LUZP2: variants seen among roughly 807,000 people sequenced by gnomAD.
The protein encoded by LUZP2 is leucine zipper protein 2.
Under a neutral mutation model 51.6 loss-of-function variants are expected in LUZP2, and 52 were observed. The observed-to-expected ratio is 1.01, with a 90% CI of 0.81 to 1.27. The LOEUF (loss-of-function observed/expected upper bound fraction) is 1.27, where lower values mean the gene tolerates loss of function less well. LUZP2 is among the 50% of genes most tolerant of loss of function. LUZP2 has a pLI of 0.00. For missense variants in LUZP2, 436 were observed against 395.4 expected (o/e 1.10, Z -0.87); for synonymous variants, 154 against 137.3 (o/e 1.12, Z -0.85).
chr11:24,535,806 T>A (rs1851159481), intron 1 of LUZP2, among the ~76,000 whole-genome samples: 1 of 151,746 alleles, frequency 6.6e-6, no homozygotes, highest in African/African-American at 2.4e-5. Context: ...ATGTTCTTAA[T>A]GGCATCCAGA....
At chr11:24,990,875 C>T (rs572259097) in intron 9 of LUZP2, among the ~76,000 whole-genome samples, 1 of 151,980 alleles carries the variant, frequency 6.6e-6, no homozygotes, top group African/African-American at 2.4e-5. Context: ...CTTCTACCCC[C>T]CTTTCATGGG....
chr11:24,778,759 T>A (rs374195240), intron 5 of LUZP2, among the ~76,000 whole-genome samples: 2 of 152,206 alleles, frequency 1.3e-5, no homozygotes, highest in African/African-American at 4.8e-5. Flanking sequence ...CTGCATCATC[T>A]GGGAAAAGTC....
chr11:24,818,856 T>C (rs147297411), intron 5 of LUZP2, among the ~76,000 whole-genome samples: 1 of 152,092 alleles, frequency 6.6e-6, no homozygotes, highest in Non-Finnish European at 1.5e-5. Flanking sequence ...TTACATAATG[T>C]CCATCTTATC....
At chr11:25,064,371 C>A (rs1260142604) in intron 10 of LUZP2, among the ~76,000 whole-genome samples, 1 of 151,728 alleles carries the variant, frequency 6.6e-6, no homozygotes, top group Non-Finnish European at 1.5e-5. Context: ...ATATAAATTT[C>A]CTGTGTGATT....
intron 1 of LUZP2, among the ~76,000 whole-genome samples, chr11:24,560,376 G>C (rs778145105): frequency 6.6e-6 from 1 of 152,088 alleles, no homozygotes; most frequent in African/African-American, 2.4e-5. Context: ...GATGTGAAGG[G>C]TTAAGCTGGG....
intron 9 of LUZP2, among the ~76,000 whole-genome samples, chr11:25,040,718 G>A (rs1324227272): frequency 2.0e-5 from 3 of 152,138 alleles, no homozygotes. Context: ...TGCTCAATGT[G>A]ATGAGTTGTA....
chr11:24,595,550 T>C (rs1012650106), intron 1 of LUZP2, among the ~76,000 whole-genome samples: 1 of 152,132 alleles, frequency 6.6e-6, no homozygotes, highest in African/African-American at 2.4e-5. Flanking sequence ...CACCTGTCAA[T>C]TTTTTTACAT....
intron 1 of LUZP2, among the ~76,000 whole-genome samples, chr11:24,502,471 G>A (rs931291863): frequency 2.6e-5 from 4 of 152,018 alleles, no homozygotes; most frequent in African/African-American, 9.7e-5. Context: ...TGCAATCTCT[G>A]CCTCCTGGGT....
intron 1 of LUZP2, among the ~76,000 whole-genome samples, chr11:24,658,447 T>A (rs369653429): frequency 6.6e-6 from 1 of 152,158 alleles, no homozygotes; most frequent in Non-Finnish European, 1.5e-5. Flanking sequence ...AAGACTTAAA[T>A]GTTAGACCTA....
At chr11:24,847,703 A>G (rs2716522) in intron 5 of LUZP2, among the ~76,000 whole-genome samples, 23,142 of 152,150 alleles carry the variant, frequency 0.15, 1,930 homozygotes, top group African/African-American at 0.2. Flanking sequence ...GTTGATGAAT[A>G]TTGTCTGATC....
chr11:24,719,466 A>T (rs1416330041), intron 1 of LUZP2, among the ~76,000 whole-genome samples: 1 of 152,232 alleles, frequency 6.6e-6, no homozygotes, highest in Non-Finnish European at 1.5e-5. Context: ...AAATTGACAA[A>T]ATTCAAAATA....
chr11:24,719,557 T>C lies in LUZP2; in HGVS notation c.63-9612T>C, dbSNP rs189251551. 5.1e-4 allele frequency among the ~76,000 whole-genome samples: 77 copies of C among 152,302 alleles called. No homozygotes were observed. In the South Asian group the frequency reaches 9.3e-3, roughly 18 times the overall value. ...ACTGGCCAATCTCTGAGAAATAAAA[T>C]ATAGAGAAGTTAACACAGCATTTGG... On this transcript the variant is annotated intron_variant, in intron 1 of 11. Transcript: ENST00000336930.
Position 24,906,022 on chromosome 11 carries a change from G to T in LUZP2, c.428G>T (p.Gly143Val), listed in dbSNP as rs1183043298. The change falls in exon 6 of 12, where the codon GGA (glycine) becomes GTA (valine). Residue 143 changes from glycine to valine, a missense_variant. Coordinates refer to ENST00000336930, the MANE Select transcript of LUZP2 (RefSeq NM_001009909.4). ...AGCTTGAAAAACAAACTCTTGTCAG[G>T]AAACAAGCTCTGTGGCATTCACGCA... ...NKSLKNKLLS[G>V]NKLCGIHAEE... 5 of 1,612,960 alleles carry T rather than the reference G, an allele frequency of 3.1e-6. No individual in the cohort carries two copies. The Admixed American group carries it at 8.3e-5, about 27-fold the overall frequency.
chr11:24,756,038 A>G (rs1164271627), intron 4 of LUZP2, among the ~76,000 whole-genome samples: 1 of 152,104 alleles, frequency 6.6e-6, no homozygotes, highest in Non-Finnish European at 1.5e-5. Flanking sequence ...GGCTTCATCT[A>G]TATAATAACA....
At chr11:24,623,801 C>T (rs763523101) in intron 1 of LUZP2, among the ~76,000 whole-genome samples, 9 of 152,060 alleles carry the variant, frequency 5.9e-5, no homozygotes, top group Non-Finnish European at 1.3e-4. Flanking sequence ...GAGCTGAGGT[C>T]ACGCCACTGC....
chr11:24,562,832 A>G (rs1852092284), intron 1 of LUZP2, among the ~76,000 whole-genome samples: 1 of 150,334 alleles, frequency 6.7e-6, no homozygotes, highest in Admixed American at 6.7e-5. Context: ...ACTGCACTCC[A>G]GCCTGGGTGA....
intron 10 of LUZP2, among the ~76,000 whole-genome samples, chr11:25,056,493 T>C (rs984846627): frequency 6.6e-6 from 1 of 152,152 alleles, no homozygotes; most frequent in Admixed American, 6.5e-5. Context: ...CTGTTGGTCA[T>C]ACCTGAGACT....
intron 1 of LUZP2, among the ~76,000 whole-genome samples, chr11:24,566,829 ATT>A (rs1160177875): frequency 6.9e-6 from 1 of 145,956 alleles, no homozygotes; most frequent in Non-Finnish European, 1.5e-5. Flanking sequence ...ATATATACAT[ATT>A]TATATATAAG....
rs200673435 is a variant in LUZP2 at position 25,025,044 on chromosome 11, GA to G, written c.766-24991del. On this transcript the variant is annotated intron_variant, in intron 9 of 11. Coordinates refer to ENST00000336930, the MANE Select transcript of LUZP2 (RefSeq NM_001009909.4). ...AAACCTGAGAAAAACAAGCAATGGG[GA>G]AAGGATTCCCTATTTAATAAATGAT... Among the ~76,000 whole-genome samples the G allele has an allele frequency of 1.3e-3, 199 of 152,190 alleles. 3 individuals are homozygous for G. The East Asian group carries it at 0.033, about 25-fold the overall frequency.
Sources: gnomAD v4.1 joint callset for allele counts (sites outside exome capture counted in the v4.1 genomes callset) on GRCh38, gnomAD v4.1.1 for gene constraint, MANE v1.5 for transcripts, NCBI Gene and HGNC (gene_info 2026-07-23, HGNC 2026-07-21) for gene names.